AOX1: variants seen among roughly 807,000 people sequenced by gnomAD.
The protein encoded by AOX1 is aldehyde oxidase 1.
In AOX1, 153 loss-of-function variants were observed where a neutral mutation model predicts 169.5. That is an observed-to-expected ratio of 0.90 (90% CI 0.79 to 1.03). The LOEUF (loss-of-function observed/expected upper bound fraction) is 1.03, where lower values mean the gene tolerates loss of function less well. AOX1 is among the 50% of genes least tolerant of loss of function. The pLI is 0.00. For synonymous variants in AOX1, 562 were observed against 581.9 expected, an observed-to-expected ratio of 0.97 and a Z score of 0.49; for missense variants, 1,656 against 1,663.9, an observed-to-expected ratio of 1.00 and a Z score of 0.08.
chr2:200,609,336 A>C lies in AOX1; in HGVS notation c.1075A>C (p.Ile359Leu), dbSNP rs745515317. ...IRNMASLGGHIISRHPDSDLN... is the reference protein window; with the variant it reads ...IRNMASLGGHLISRHPDSDLN... ...TTTTTAAAAGTCTTTAGGGGGACAC[A>C]TCATTAGCAGGCATCCAGATTCAGA... Residue 359 changes from isoleucine (I) to leucine (L), a missense_variant, in exon 12 of 35, where the codon ATC becomes CTC. Coordinates refer to ENST00000374700, the MANE Select transcript of AOX1 (RefSeq NM_001159.4). The C allele has an allele frequency of 6.2e-7, 1 of 1,613,888 alleles. No homozygotes were observed. Among genetic ancestry groups the C allele is most frequent in the Admixed American group, 1.7e-5 (1 of 59,980 alleles).
At chr2:200,597,813 C>T (rs1276514853) in intron 4 of AOX1, among the ~76,000 whole-genome samples, 1 of 152,148 alleles carries the variant, frequency 6.6e-6, no homozygotes, top group African/African-American at 2.4e-5. Flanking sequence ...CTTCCAAACT[C>T]ATAAAGAAAC....
chr2:200,634,669 T>C, intron 20 of AOX1, 122 bp from the exon 21 acceptor site: 1 of 1,196,968 alleles, frequency 8.4e-7, no homozygotes, highest in African/African-American at 1.5e-5. Context: ...TTGTTTGTTA[T>C]ACTTCACTGT....
At chr2:200,586,548 G>C (rs1466659227) in intron 1 of AOX1, among the ~76,000 whole-genome samples, 7 of 152,356 alleles carry the variant, frequency 4.6e-5, no homozygotes, top group African/African-American at 1.4e-4. Context: ...AGTACACTGA[G>C]AGCAGCCTAC....
Position 200,668,648 on chromosome 2 carries a change from T to C in AOX1, c.3643T>C (p.Tyr1215His), listed in dbSNP as rs150568828. The C allele has an allele frequency of 8.2e-5, 133 of 1,613,690 alleles. No individual in the cohort carries two copies. In the African/African-American group the frequency reaches 1.6e-3, roughly 19 times the overall value. The change falls in exon 33 of 35, where the codon TAT (tyrosine) becomes CAT (histidine). Residue 1215 changes from tyrosine (Y) to histidine (H), a missense_variant. Transcript: ENST00000374700. Reference protein sequence around the residue: ...EGAFIQGMGLYTIEELNYSPQ... With the variant: ...EGAFIQGMGLHTIEELNYSPQ... ...TGCATTTATTCAAGGCATGGGACTTTATACAATAGAGGAACTGAATTATTC... is the reference window on the plus strand; with the variant it reads ...TGCATTTATTCAAGGCATGGGACTTCATACAATAGAGGAACTGAATTATTC...
At chr2:200,618,641 C>G (rs1014675511) in intron 16 of AOX1, among the ~76,000 whole-genome samples, 1 of 152,178 alleles carries the variant, frequency 6.6e-6, no homozygotes, top group Non-Finnish European at 1.5e-5. Context: ...AATCTCTGAT[C>G]TCTATCTCCA....
chr2:200,668,738 C>T lies in AOX1; in HGVS notation c.3733C>T (p.Pro1245Ser), dbSNP rs369834204. 1 of 1,614,016 alleles carries T rather than the reference C, an allele frequency of 6.2e-7. No homozygotes were observed. Among genetic ancestry groups the T allele is most frequent in the African/African-American group, 1.3e-5 (1 of 74,910 alleles). The change falls in exon 33 of 35, where the codon CCC becomes TCC. Residue 1245 changes from proline to serine, a missense_variant. Transcript: ENST00000374700. The part of the protein sequence containing the change: ...QYKIPAICDM[P>S]TELHIALLPP... ...TAAAATCCCTGCCATCTGTGACATGCCCACGGAGTTGCACATTGCTTTGTT... is the reference window on the plus strand; with the variant it reads ...TAAAATCCCTGCCATCTGTGACATGTCCACGGAGTTGCACATTGCTTTGTT...
chr2:200,596,861 G>T (rs1255244394), intron 3 of AOX1, among the ~76,000 whole-genome samples: 1 of 152,166 alleles, frequency 6.6e-6, no homozygotes, highest in African/African-American at 2.4e-5. Flanking sequence ...GTTTACTTTG[G>T]TTTTTAGAAT....
chr2:200,666,002 A>G (rs1416325786), intron 31 of AOX1, among the ~76,000 whole-genome samples: 1 of 152,228 alleles, frequency 6.6e-6, no homozygotes, highest in Admixed American at 6.5e-5. Flanking sequence ...CTTTTGTTCA[A>G]TTAGTAATTA....
In AOX1 at chr2:200,627,473, C is replaced by A. The variant is rs200016060; in HGVS notation, c.2221+24C>A. The stretch of plus-strand genomic sequence containing the variant: ...AGGTAAAAAGTAATGGAAGAGTAAA[C>A]AACCCTGGAAGTCTTCTAAGCATGT... On this transcript the variant is annotated intron_variant, in intron 20 of 34. Coordinates refer to ENST00000374700, the MANE Select transcript of AOX1 (RefSeq NM_001159.4). 5.9e-6 allele frequency: 9 copies of A among 1,522,352 alleles called. No individual in the cohort carries two copies. The Admixed American group carries it at 1.5e-4, about 25-fold the overall frequency. The allele number at this position is 1,522,352 out of a possible 1,614,324, so 94.3% of individuals were successfully genotyped here.
chr2:200,606,776 C>T (rs540960745), intron 10 of AOX1, among the ~76,000 whole-genome samples: 2 of 152,198 alleles, frequency 1.3e-5, no homozygotes, highest in African/African-American at 4.8e-5. Context: ...TGATTTGGCT[C>T]TCTGCTTGTC....
At position 200,656,916 on chromosome 2, in the gene AOX1, G is replaced by T. The variant is rs1386201230; in HGVS notation, c.3150G>T (p.Gly1050=). The T allele has an allele frequency of 1.3e-5, 21 of 1,576,804 alleles. No homozygotes were observed. Among genetic ancestry groups the T allele is most frequent in the Non-Finnish European group, 1.7e-5 (20 of 1,160,778 alleles). ...VTHGGIEMGQ[G]VHTKMIQVVS... is the part of the protein sequence containing the mutation. ...ACGGTGGAATTGAAATGGGGCAGGG[G>T]GTCCACACTAAAATGATTCAGGTAA... Residue 1050 remains glycine, a synonymous_variant, in exon 27 of 35, where the codon GGG becomes GGT. Transcript: ENST00000374700.
chr2:200,647,265 C>T (rs985438437), intron 25 of AOX1, among the ~76,000 whole-genome samples: 1 of 152,040 alleles, frequency 6.6e-6, no homozygotes, highest in Non-Finnish European at 1.5e-5. Context: ...TTTAGCAGTT[C>T]TTGTAGTGGT....
chr2:200,669,483 A>G lies in AOX1; in HGVS notation c.3799-92A>G, dbSNP rs573173634. 24 of 1,400,622 alleles carry G rather than the reference A, an allele frequency of 1.7e-5. No individual in the cohort carries two copies. In the Admixed American group the frequency reaches 2.8e-4, roughly 16 times the overall value. The allele number at this position is 1,400,622 out of a possible 1,614,324, so 86.8% of individuals were successfully genotyped here. ...AAAAAATGTACATATGTAGTACGTA[A>G]TATTTTTATATATGCACATATGCTA... is the stretch of plus-strand genomic sequence containing the variant. On this transcript the variant is annotated intron_variant, in intron 33 of 34. Transcript: ENST00000374700.
exon 5 of AOX1, chr2:200,676,963 A>G (rs1040266102): frequency 3.0e-5 from 14 of 470,060 alleles, no homozygotes; most frequent in Non-Finnish European, 6.2e-5. Flanking sequence ...CTGGTGGCAT[A>G]ATGTCACATT....
intron 9 of AOX1, among the ~76,000 whole-genome samples, chr2:200,605,041 C>G (rs557931573): frequency 1.3e-5 from 2 of 152,204 alleles, no homozygotes; most frequent in Admixed American, 1.3e-4. Flanking sequence ...CCTCTTGCCT[C>G]TTATTGGAGC....
Position 200,593,208 on chromosome 2 carries a change from CCTTTT to C in AOX1, c.103+10_103+14del. 6.2e-7 allele frequency: 1 copy of C among 1,612,492 alleles called. No individual in the cohort carries two copies. The highest frequency in any genetic ancestry group is 8.5e-7 in the Non-Finnish European group (1 of 1,178,804). Reference sequence around the variant, plus strand: ...TGCCTTATTTGAGGAAGAAGCGTATCCTTTTCTTTACTTTGACTGTGTATGTGTGT... The same window carrying C: ...TGCCTTATTTGAGGAAGAAGCGTATCCTTTACTTTGACTGTGTATGTGTGT... On this transcript the variant is annotated splice_donor_region_variant and intron_variant, in intron 2 of 34. Coordinates refer to ENST00000374700, the MANE Select transcript of AOX1 (RefSeq NM_001159.4).
intron 31 of AOX1, among the ~76,000 whole-genome samples, chr2:200,665,579 G>A (rs559700360): frequency 5.9e-5 from 9 of 152,206 alleles, no homozygotes; most frequent in Admixed American, 3.3e-4. Context: ...CTACAGGCAC[G>A]TGCCATCACC....
chr2:200,590,888 G>T (rs2034156853), intron 1 of AOX1, among the ~76,000 whole-genome samples: 1 of 151,982 alleles, frequency 6.6e-6, no homozygotes, highest in Non-Finnish European at 1.5e-5. Context: ...TTTCTCTCCT[G>T]CCATTAACAT....
At chr2:200,615,517 C>T (rs1396653252) in intron 15 of AOX1, among the ~76,000 whole-genome samples, 1 of 152,154 alleles carries the variant, frequency 6.6e-6, no homozygotes, top group Admixed American at 6.5e-5. Flanking sequence ...CAGCCTGTGT[C>T]CCCCTTTCTA....
Sources: allele counts gnomAD v4.1 joint callset (sites outside exome capture counted in the v4.1 genomes callset), GRCh38; gene constraint gnomAD v4.1.1; transcripts MANE v1.5; gene names NCBI Gene and HGNC (gene_info 2026-07-23, HGNC 2026-07-21).